NLRP5: variants seen among roughly 807,000 people sequenced by gnomAD.
NLRP5 encodes the protein NLR family pyrin domain containing 5, also known as NACHT, LRR and PYD domains-containing protein 5.
A neutral mutation model predicts 113.1 loss-of-function variants in NLRP5; 93 were observed. That is an observed-to-expected ratio of 0.82 (90% CI 0.70 to 0.98). The LOEUF (loss-of-function observed/expected upper bound fraction) is 0.98, where lower values mean the gene tolerates loss of function less well. NLRP5 is among the 50% of genes least tolerant of loss of function. The pLI is 0.00. For synonymous variants in NLRP5, 751 were observed against 600.7 expected (o/e 1.25, Z -3.66); for missense variants, 1,808 against 1,514.3 (o/e 1.19, Z -3.22).
At chr19:56,012,241 C>G (rs944599566) in intron 3 of NLRP5, among the ~76,000 whole-genome samples, 2 of 152,002 alleles carry the variant, frequency 1.3e-5, no homozygotes, top group Non-Finnish European at 2.9e-5. Context: ...CTCCACCTCC[C>G]AGGTTCACAC....
intron 9 of NLRP5, 145 bp from the exon 10 acceptor site, chr19:56,037,880 C>T: frequency 1.3e-6 from 1 of 744,300 alleles, no homozygotes; most frequent in South Asian, 1.9e-5. Flanking sequence ...CTGGAAGGAA[C>T]AGCAACTTCT....
At chr19:56,012,343 T>C (rs1844223740) in intron 3 of NLRP5, among the ~76,000 whole-genome samples, 1 of 151,904 alleles carries the variant, frequency 6.6e-6, no homozygotes, top group Non-Finnish European at 1.5e-5. Context: ...AGAGATGGGG[T>C]TTCACCATGT....
intron 14 of NLRP5, among the ~76,000 whole-genome samples, chr19:56,060,996 G>A (rs1599918241): frequency 6.7e-6 from 1 of 149,704 alleles, no homozygotes; most frequent in South Asian, 2.1e-4. Flanking sequence ...AGGAGATCTA[G>A]AAAGTCACTG....
At chr19:56,041,716 G>A (rs1691225919) in intron 11 of NLRP5, among the ~76,000 whole-genome samples, 1 of 152,180 alleles carries the variant, frequency 6.6e-6, no homozygotes, top group African/African-American at 2.4e-5. Flanking sequence ...GGGAGGCTGA[G>A]GCAGGTGGAT....
upstream of NLRP5, among the ~76,000 whole-genome samples, chr19:55,998,718 A>ATATGTGTG (rs1568478330): frequency 2.1e-5 from 3 of 139,682 alleles, no homozygotes; most frequent in East Asian, 2.0e-4. Flanking sequence ...GTGTGTGTAT[A>ATATGTGTG]TATATATATA....
intron 2 of NLRP5, among the ~76,000 whole-genome samples, chr19:56,006,287 A>G (rs1441720560): frequency 2.0e-5 from 3 of 152,088 alleles, no homozygotes. Context: ...GGGTGGGGGA[A>G]GTGGGGAGTG....
chr19:56,042,108 T>C (rs1188012850), intron 11 of NLRP5, among the ~76,000 whole-genome samples: 1 of 152,224 alleles, frequency 6.6e-6, no homozygotes, highest in Non-Finnish European at 1.5e-5. Flanking sequence ...AGTTCTTCTC[T>C]GCTCTGCACA....
At chr19:56,018,469 A>G (rs1251732851) in intron 4 of NLRP5, 2 of 152,238 alleles carry the variant, frequency 1.3e-5, no homozygotes, top group African/African-American at 4.8e-5. Flanking sequence ...ACTCGACAAC[A>G]TAAGAACAAT....
chr19:56,006,426 T>A (rs973551860), intron 2 of NLRP5, among the ~76,000 whole-genome samples: 9 of 138,428 alleles, frequency 6.5e-5, no homozygotes, highest in Admixed American at 2.9e-4. Flanking sequence ...AAGTATAATT[T>A]TAAAAAAAAA....
chr19:56,045,857 T>G (rs1008240323), intron 11 of NLRP5, among the ~76,000 whole-genome samples: 1 of 152,166 alleles, frequency 6.6e-6, no homozygotes, highest in Non-Finnish European at 1.5e-5. Context: ...AATGATAGAA[T>G]GTTGCAGGTT....
At position 56,050,443 on chromosome 19, in the gene NLRP5, G is replaced by A. The variant is rs1268033419; in HGVS notation, c.2983G>A (p.Ala995Thr). The A allele has an allele frequency of 3.1e-6, 5 of 1,613,670 alleles. No homozygotes were observed. The East Asian group carries it at 6.7e-5, about 22-fold the overall frequency. ...GCTGAATCAGTGCCACCTGGACACG[G>A]CTGGCTGTGGTTTTCTTGCACTTGC... The change falls in exon 12 of 15, where the codon GCT (alanine) becomes ACT (threonine). Residue 995 changes from alanine to threonine, a missense_variant. Transcript: ENST00000390649.
In NLRP5 at chr19:56,053,707, C is replaced by G; in HGVS notation, c.3198C>G (p.His1066Gln). Reference sequence around the variant, plus strand: ...CCTGTGTGATCTCGAGGAGCAGACACCTGAAGAGCCTGGATCTCACGGACA... The same window carrying G: ...CCTGTGTGATCTCGAGGAGCAGACAGCTGAAGAGCCTGGATCTCACGGACA... The change falls in exon 13 of 15, where the codon CAC becomes CAG. Residue 1066 changes from histidine to glutamine, a missense_variant. Transcript: ENST00000390649. The G allele has an allele frequency of 6.2e-7, 1 of 1,613,826 alleles. No individual in the cohort carries two copies. Among genetic ancestry groups the G allele is most frequent in the Admixed American group, 1.7e-5 (1 of 59,980 alleles).
chr19:56,040,632 C>T (rs1424520297), intron 10 of NLRP5, among the ~76,000 whole-genome samples: 1 of 152,182 alleles, frequency 6.6e-6, no homozygotes, highest in Non-Finnish European at 1.5e-5. Context: ...CAAAGCCTTA[C>T]ATCATAGCCA....
intron 10 of NLRP5, among the ~76,000 whole-genome samples, chr19:56,039,123 A>G (rs1260133132): frequency 6.8e-6 from 1 of 147,346 alleles, no homozygotes; most frequent in Non-Finnish European, 1.5e-5. Context: ...AAACAGGTCT[A>G]CGGAGCAGGT....
At chr19:56,020,235 G>A (rs1327761794) in intron 5 of NLRP5, 140 bp from the exon 6 acceptor site, 1 of 920,562 alleles carries the variant, frequency 1.1e-6, no homozygotes, top group East Asian at 2.6e-5. Flanking sequence ...AGTGCACTCT[G>A]TCTTCTAGTT....
intron 12 of NLRP5, among the ~76,000 whole-genome samples, chr19:56,053,327 T>C (rs1191086967): frequency 6.6e-6 from 1 of 150,518 alleles, no homozygotes; most frequent in Non-Finnish European, 1.5e-5. Flanking sequence ...ACCTGGGAGG[T>C]GGAGGTTGCA....
intron 6 of NLRP5, among the ~76,000 whole-genome samples, chr19:56,023,443 C>A (rs1035245784): frequency 6.6e-6 from 1 of 152,188 alleles, no homozygotes; most frequent in Admixed American, 6.5e-5. Flanking sequence ...TCCATGGATT[C>A]AACTAACCAT....
chr19:56,052,964 G>T (rs139204406), intron 12 of NLRP5, among the ~76,000 whole-genome samples: 4 of 152,340 alleles, frequency 2.6e-5, no homozygotes, highest in African/African-American at 9.6e-5. Flanking sequence ...AGGTGTGGTG[G>T]CACATGCCTG....
rs1491011983 is a variant in NLRP5, at chr19:56,055,533, C to CTTTTTTTTTTTTTTTTTTTTTTTTTTTT, written c.3299+1726_3299+1727insTTTTTTTTTTTTTTTTTTTTTTTTTTTT. On this transcript the variant is annotated intron_variant, in intron 13 of 14. Coordinates refer to ENST00000390649, the MANE Select transcript of NLRP5 (RefSeq NM_153447.4). ...AGCTCCATGTTCTATTTTTCTTTCT[C>CTTTTTTTTTTTTTTTTTTTTTTTTTTTT]TGTCTTTTTTTTTTTTTTTTTTTTT... Among the ~76,000 whole-genome samples, 48 of 99,540 alleles carry CTTTTTTTTTTTTTTTTTTTTTTTTTTTT rather than the reference C, an allele frequency of 4.8e-4. 7 individuals carry two copies. Among genetic ancestry groups the CTTTTTTTTTTTTTTTTTTTTTTTTTTTT allele is most frequent in the Non-Finnish European group, 8.1e-4 (39 of 48,256 alleles). 65.3% of individuals were successfully genotyped at this position (99,540 alleles called of 152,430 possible). A position where few individuals can be genotyped will look rare whatever the true frequency, so the allele number is the denominator to read the frequency against.
Sources: gnomAD v4.1 joint callset for allele counts (sites outside exome capture counted in the v4.1 genomes callset) on GRCh38, gnomAD v4.1.1 for gene constraint, MANE v1.5 for transcripts, NCBI Gene and HGNC (gene_info 2026-07-23, HGNC 2026-07-21) for gene names.